The following ART3 variants were observed in gnomAD, a reference collection of about 807,000 sequenced individuals.
The protein encoded by ART3 is ecto-ADP-ribosyltransferase 3.
In ART3, 49 loss-of-function variants were observed where a neutral mutation model predicts 48.5. The observed-to-expected ratio is 1.01, with a 90% CI of 0.80 to 1.28. The LOEUF is 1.28. ART3 is among the 50% of genes most tolerant of loss of function. The probability of loss-of-function intolerance (pLI) is 0.00; values close to 1 mark genes in which losing one functional copy is unlikely to be tolerated. For synonymous variants in ART3, 145 were observed against 157.2 expected (o/e 0.92, Z 0.58); for missense variants, 438 against 454.3 (o/e 0.96, Z 0.33).
intron 1 of ART3, among the ~76,000 whole-genome samples, chr4:76,014,196 A>G (rs1732056278): frequency 6.6e-6 from 1 of 152,200 alleles, no homozygotes; most frequent in East Asian, 1.9e-4. Context: ...AATTAAGTTA[A>G]GGTGAGGTCC....
At position 76,109,477 on chromosome 4, in the gene ART3, T is replaced by C. The variant is rs116632109; in HGVS notation, c.1036+1684T>C. 3.2e-3 allele frequency among the ~76,000 whole-genome samples: 483 copies of C among 152,288 alleles called. 4 individuals are homozygous for C. Among genetic ancestry groups the C allele is most frequent in the African/African-American group, 0.011 (457 of 41,560 alleles). ...TCAGGCTGTTTTATAGTTAACGTTT[T>C]TTAATAAGTTGAAGGAGTACAGTCT... On this transcript the variant is annotated intron_variant, in intron 11 of 11. Transcript: ENST00000355810.
intron 2 of ART3, among the ~76,000 whole-genome samples, chr4:76,077,460 T>C (rs1578437892): frequency 6.6e-6 from 1 of 152,220 alleles, no homozygotes; most frequent in African/African-American, 2.4e-5. Context: ...TTACGAATAG[T>C]GGTGTTGTGA....
At chr4:76,014,560 C>T (rs531321063) in intron 1 of ART3, among the ~76,000 whole-genome samples, 2 of 152,166 alleles carry the variant, frequency 1.3e-5, no homozygotes, top group East Asian at 1.9e-4. Context: ...CTATGAGACA[C>T]CATCAAGTGG....
At chr4:76,025,561 T>C (rs1303526710) in intron 1 of ART3, among the ~76,000 whole-genome samples, 1 of 152,244 alleles carries the variant, frequency 6.6e-6, no homozygotes, top group Non-Finnish European at 1.5e-5. Context: ...ATTCTTATAA[T>C]AACATCTACC....
chr4:76,022,807 G>T (rs1190988815), intron 1 of ART3: 3 of 1,609,840 alleles, frequency 1.9e-6, no homozygotes, highest in South Asian at 1.1e-5. Context: ...CAGTTCTAGA[G>T]AGAGGTACTC....
At chr4:76,064,051 C>A (rs138147901) in intron 1 of ART3, among the ~76,000 whole-genome samples, 6 of 151,974 alleles carry the variant, frequency 3.9e-5, no homozygotes, top group African/African-American at 1.2e-4. Context: ...AAAATAAAAC[C>A]ACTGTAGAGT....
At chr4:76,106,440 C>T (rs898052093) in intron 10 of ART3, 3 of 898,172 alleles carry the variant, frequency 3.3e-6, no homozygotes, top group African/African-American at 1.8e-5. Context: ...GCCTTCTGGC[C>T]GAGTTAGGTT....
chr4:76,079,024 T>C (rs1721806420), intron 2 of ART3, among the ~76,000 whole-genome samples: 1 of 151,850 alleles, frequency 6.6e-6, no homozygotes, highest in Non-Finnish European at 1.5e-5. Flanking sequence ...GAGCTTGCAG[T>C]GAGCCGAAAT....
At chr4:76,047,303 T>C (rs1265903624) in intron 1 of ART3, among the ~76,000 whole-genome samples, 2 of 151,988 alleles carry the variant, frequency 1.3e-5, no homozygotes, top group Admixed American at 6.6e-5. Flanking sequence ...ATCTTGCTTT[T>C]CCTTTTGGGC....
intron 1 of ART3, among the ~76,000 whole-genome samples, chr4:76,053,762 A>G (rs900162537): frequency 6.6e-6 from 1 of 152,216 alleles, no homozygotes; most frequent in Non-Finnish European, 1.5e-5. Flanking sequence ...CCTCTTTTCC[A>G]TGTCCTCTGT....
Position 76,099,031 on chromosome 4 carries a change from G to A in ART3, c.847+44G>A, listed in dbSNP as rs569031539. The A allele has an allele frequency of 4.5e-6, 7 of 1,560,014 alleles. 1 individual carries two copies. In the South Asian group the frequency reaches 5.6e-5, roughly 12 times the overall value. On this transcript the variant is annotated intron_variant, in intron 5 of 11. Coordinates refer to ENST00000355810, the MANE Select transcript of ART3 (RefSeq NM_001130016.3). ...TTAAAAATAATCTTGGTTGGGCATG[G>A]TGGCTCACGCCTGTAATCCCAGCGC... is the stretch of plus-strand genomic sequence containing the variant.
chr4:76,086,062 C>T (rs1186271588), intron 3 of ART3, among the ~76,000 whole-genome samples: 2 of 150,578 alleles, frequency 1.3e-5, no homozygotes, highest in Non-Finnish European at 3.0e-5. Context: ...ACAAGAGTCC[C>T]CCCCCCCGCT....
chr4:76,032,581 CTTTTTT>C (rs10547155), intron 1 of ART3, among the ~76,000 whole-genome samples: 2 of 114,592 alleles, frequency 1.7e-5, no homozygotes, highest in Admixed American at 9.5e-5. Flanking sequence ...AGATTCAAGT[CTTTTTT>C]TTTTTTTTTT....
chr4:76,051,593 G>T (rs1407836288), intron 1 of ART3, among the ~76,000 whole-genome samples: 3 of 152,172 alleles, frequency 2.0e-5, no homozygotes, highest in Non-Finnish European at 2.9e-5. Flanking sequence ...AGGCTGGAGT[G>T]CAATGGCGTG....
chr4:76,098,354 C>G, intron 4 of ART3, among the ~76,000 whole-genome samples: 1 of 152,124 alleles, frequency 6.6e-6, no homozygotes, highest in East Asian at 1.9e-4. Flanking sequence ...AAGACATGCT[C>G]TGGGTGGATC....
chr4:76,032,773 A>G (rs1733995666), intron 1 of ART3, among the ~76,000 whole-genome samples: 1 of 151,892 alleles, frequency 6.6e-6, no homozygotes, highest in African/African-American at 2.4e-5. Context: ...TTAAGTAGAA[A>G]TGGGGTTTCA....
At chr4:76,080,328 C>CA (rs943084978) in intron 2 of ART3, among the ~76,000 whole-genome samples, 5 of 151,940 alleles carry the variant, frequency 3.3e-5, no homozygotes, top group Middle Eastern at 6.8e-3. Flanking sequence ...TGAAATAATA[C>CA]AAAAAAACCA....
chr4:76,015,134 T>C (rs575506816), intron 1 of ART3, among the ~76,000 whole-genome samples: 2 of 152,336 alleles, frequency 1.3e-5, no homozygotes, highest in Admixed American at 6.5e-5. Flanking sequence ...GGTAACTATG[T>C]AGGTAATATA....
upstream of ART3, among the ~76,000 whole-genome samples, chr4:76,071,117 A>C (rs1398932398): frequency 6.6e-6 from 1 of 152,094 alleles, no homozygotes; most frequent in Non-Finnish European, 1.5e-5. Flanking sequence ...TGGAAGGCCA[A>C]GGCAGGCGGA....
Sources: gnomAD v4.1 joint callset for allele counts (sites outside exome capture counted in the v4.1 genomes callset) on GRCh38, gnomAD v4.1.1 for gene constraint, MANE v1.5 for transcripts, NCBI Gene and HGNC (gene_info 2026-07-23, HGNC 2026-07-21) for gene names.